Variants in EDAR observed in about 807,000 individuals in gnomAD.
The protein encoded by EDAR is ectodysplasin A receptor.
In EDAR, 38 loss-of-function variants were observed where a neutral mutation model predicts 51.3. That is an observed-to-expected ratio of 0.74 (90% confidence interval 0.57 to 0.97). The LOEUF is 0.97. Ranked by LOEUF, EDAR falls within the 50% of genes least tolerant of loss-of-function variation. EDAR has a pLI of 0.00. For missense variants in EDAR, 528 were observed against 595.0 expected (o/e 0.89, Z 1.17); for synonymous variants, 227 against 242.1 (o/e 0.94, Z 0.58).
chr2:108,912,217 A>G (rs1319307208), intron 6 of EDAR, among the ~76,000 whole-genome samples: 2 of 152,250 alleles, frequency 1.3e-5, no homozygotes, highest in East Asian at 3.8e-4. Flanking sequence ...TCTGAGAGAC[A>G]TATTAAACTT....
chr2:108,913,228 C>T (rs928174747), intron 5 of EDAR, among the ~76,000 whole-genome samples: 24 of 151,994 alleles, frequency 1.6e-4, no homozygotes, highest in African/African-American at 5.3e-4. Flanking sequence ...GGATTACAGG[C>T]ATGAGCCACC....
At chr2:108,981,302 C>A (rs1357283446) in intron 1 of EDAR, among the ~76,000 whole-genome samples, 3 of 152,192 alleles carry the variant, frequency 2.0e-5, no homozygotes, top group African/African-American at 7.2e-5. Flanking sequence ...GCCGCACCCG[C>A]CCCAGGTGGC....
At chr2:108,970,358 G>A (rs1228122069) in intron 1 of EDAR, among the ~76,000 whole-genome samples, 2 of 152,200 alleles carry the variant, frequency 1.3e-5, no homozygotes, top group Non-Finnish European at 2.9e-5. Flanking sequence ...TGCAAATGGT[G>A]TGTAAAGGTT....
At chr2:108,907,138 A>T (rs959955743) in intron 10 of EDAR, among the ~76,000 whole-genome samples, 7 of 152,056 alleles carry the variant, frequency 4.6e-5, no homozygotes, top group African/African-American at 1.7e-4. Flanking sequence ...AGGTGATAAA[A>T]CCCTGGGGAC....
chr2:108,917,226 G>A (rs1697044695), intron 5 of EDAR, among the ~76,000 whole-genome samples: 2 of 152,316 alleles, frequency 1.3e-5, no homozygotes, highest in South Asian at 4.1e-4. Context: ...CGCGGCTCGT[G>A]TGGAAGCCAA....
chr2:108,909,149 T>C (rs903858017), intron 9 of EDAR, among the ~76,000 whole-genome samples: 3 of 152,228 alleles, frequency 2.0e-5, no homozygotes, highest in Admixed American at 1.3e-4. Flanking sequence ...TTTTTCCTAA[T>C]AGGGCCTCCA....
At chr2:108,929,717 G>A (rs568199361) in intron 3 of EDAR, among the ~76,000 whole-genome samples, 11 of 152,284 alleles carry the variant, frequency 7.2e-5, no homozygotes, top group Admixed American at 1.3e-4. Context: ...CTGAAACCCC[G>A]GAGGTTTCCC....
At chr2:108,959,184 C>A (rs745648929) in intron 1 of EDAR, among the ~76,000 whole-genome samples, 1 of 152,174 alleles carries the variant, frequency 6.6e-6, no homozygotes, top group African/African-American at 2.4e-5. Flanking sequence ...GCAGGTGGCC[C>A]GAGGAAAGCC....
chr2:108,896,694 G>T lies in EDAR; in HGVS notation c.*213C>A. On this transcript the variant is annotated 3_prime_UTR_variant, in exon 12 of 12. Transcript: ENST00000258443. The stretch of plus-strand genomic sequence containing the variant: ...ATTTACTCTGCCTGGTGAGGTACAG[G>T]CGAGCATCTGAAAGTATCCCGGCTC... 2 of 590,020 alleles carry T rather than the reference G, an allele frequency of 3.4e-6. No individual in the cohort carries two copies. The highest frequency in any genetic ancestry group is 3.7e-5 in the African/African-American group (2 of 53,832). The allele number at this position is 590,020 out of a possible 1,614,324, so 36.5% of individuals were successfully genotyped here.
In EDAR at chr2:108,895,912, C is replaced by G. The variant is rs1696577056; in HGVS notation, c.*995G>C. ...TCTTGAAATCTAGAATTATGCGTGG[C>G]TGAACTCTTAGGAAGTCATCATTTC... On this transcript the variant is annotated 3_prime_UTR_variant, in exon 12 of 12. Coordinates refer to ENST00000258443, the MANE Select transcript of EDAR (RefSeq NM_022336.4). 1 of 152,228 alleles carries G rather than the reference C, an allele frequency of 6.6e-6. No individual in the cohort carries two copies. Among genetic ancestry groups the G allele is most frequent in the Admixed American group, 6.5e-5 (1 of 15,286 alleles). 9.4% of individuals were successfully genotyped at this position (152,228 alleles called of 1,614,324 possible).
rs1024805566 is a variant in EDAR at position 108,927,673 on chromosome 2, T to C, written c.356+1525A>G. On this transcript the variant is annotated intron_variant, in intron 4 of 11. Transcript: ENST00000258443. ...TCTACTACAGCGGCCCCCAGCACCC[T>C]GAGTGCATAGTGACTTCCCAGCTCT... Among the ~76,000 whole-genome samples the C allele has an allele frequency of 7.2e-5, 11 of 152,202 alleles. No homozygotes were observed. The East Asian group carries it at 1.9e-3, about 27-fold the overall frequency.
chr2:108,920,112 C>T (rs751238213), intron 5 of EDAR, among the ~76,000 whole-genome samples: 90 of 152,242 alleles, frequency 5.9e-4, no homozygotes, highest in African/African-American at 1.9e-3. Context: ...CTGTCCACAC[C>T]GCCAGTCAGT....
chr2:108,920,037 A>G (rs1304433134), intron 5 of EDAR, among the ~76,000 whole-genome samples: 1 of 152,146 alleles, frequency 6.6e-6, no homozygotes, highest in African/African-American at 2.4e-5. Context: ...AAGTGGCACC[A>G]TGTCCACATG....
At chr2:108,898,813 T>C (rs527484613) in intron 11 of EDAR, among the ~76,000 whole-genome samples, 1 of 152,242 alleles carries the variant, frequency 6.6e-6, no homozygotes, top group Non-Finnish European at 1.5e-5. Flanking sequence ...GTAGATGTGC[T>C]CAATGACAGA....
intron 5 of EDAR, among the ~76,000 whole-genome samples, chr2:108,913,244 C>T (rs572756228): frequency 5.3e-5 from 8 of 152,164 alleles, no homozygotes; most frequent in African/African-American, 1.7e-4. Context: ...CCACCGCGCC[C>T]GGCTGGTTAT....
At chr2:108,986,017 T>C (rs571863292) in intron 1 of EDAR, among the ~76,000 whole-genome samples, 41 of 152,312 alleles carry the variant, frequency 2.7e-4, no homozygotes, top group African/African-American at 7.7e-4. Flanking sequence ...GCTTTTTTCA[T>C]AGCTTTGACT....
At chr2:108,970,156 C>A (rs1698211208) in intron 1 of EDAR, among the ~76,000 whole-genome samples, 2 of 152,168 alleles carry the variant, frequency 1.3e-5, no homozygotes, top group South Asian at 4.1e-4. Context: ...GAGAGGGGAG[C>A]ATCGCCTGGG....
At chr2:108,903,886 G>C (rs761013538) in intron 11 of EDAR, among the ~76,000 whole-genome samples, 22 of 152,020 alleles carry the variant, frequency 1.4e-4, no homozygotes, top group Non-Finnish European at 2.5e-4. Context: ...TCTAGGACTA[G>C]GCAAGAGAGA....
At chr2:108,939,374 A>T (rs1697544451) in intron 1 of EDAR, among the ~76,000 whole-genome samples, 1 of 152,120 alleles carries the variant, frequency 6.6e-6, no homozygotes, top group Non-Finnish European at 1.5e-5. Context: ...TGTAGTAGAG[A>T]TGGGGTTTCA....
Sources: allele counts gnomAD v4.1 joint callset (sites outside exome capture counted in the v4.1 genomes callset), GRCh38; gene constraint gnomAD v4.1.1; transcripts MANE v1.5; gene names NCBI Gene and HGNC (gene_info 2026-07-23, HGNC 2026-07-21).